Variants in WDR7 observed in about 807,000 individuals in gnomAD.
WDR7 encodes the protein WD repeat domain 7.
WDR7 carries 46 observed loss-of-function variants against 169.4 expected under a neutral mutation model. The ratio of observed to expected loss-of-function variants is 0.27; its 90% confidence interval spans 0.21 to 0.35. The LOEUF is 0.35. Among genes scored for constraint, WDR7 ranks in the 10% least tolerant of loss-of-function variants. The pLI is 1.00. For missense variants in WDR7, 1,534 were observed against 1,859.3 expected (o/e 0.83, Z 3.22); for synonymous variants, 612 against 666.8 (o/e 0.92, Z 1.27).
At chr18:56,654,048 T>C (rs1004020316) in intron 1 of WDR7, among the ~76,000 whole-genome samples, 11 of 152,242 alleles carry the variant, frequency 7.2e-5, no homozygotes, top group African/African-American at 2.7e-4. Context: ...TGCTCCAATT[T>C]TTCCAGACTA....
intron 16 of WDR7, among the ~76,000 whole-genome samples, chr18:56,775,519 G>A (rs931783074): frequency 7.9e-5 from 12 of 152,044 alleles, no homozygotes; most frequent in Middle Eastern, 3.2e-3. Flanking sequence ...AGAATTAAAA[G>A]TAGCTCTATT....
intron 2 of WDR7, 51 bp from the exon 3 acceptor site, chr18:56,679,281 A>C: frequency 6.8e-7 from 1 of 1,473,284 alleles, no homozygotes. Context: ...CTCAAATAGA[A>C]GGTTAATTTT....
chr18:56,941,382 G>A (rs1016114508), intron 25 of WDR7, among the ~76,000 whole-genome samples: 31 of 151,820 alleles, frequency 2.0e-4, no homozygotes, highest in African/African-American at 7.5e-4. Context: ...GGGAGTTGTG[G>A]TGATGGAAAA....
chr18:57,013,731 T>G (rs2048169583), intron 26 of WDR7, among the ~76,000 whole-genome samples: 1 of 152,164 alleles, frequency 6.6e-6, no homozygotes, highest in Non-Finnish European at 1.5e-5. Flanking sequence ...TCATCTGGGT[T>G]TTTGTCAGTG....
At chr18:56,936,103 T>G in intron 23 of WDR7, 198 bp downstream of exon 23, 3 of 499,642 alleles carry the variant, frequency 6.0e-6, no homozygotes, top group Non-Finnish European at 1.0e-5. Flanking sequence ...TCATTACTTC[T>G]GCTTCTGTAT....
chr18:56,746,529 A>G (rs997862918), intron 14 of WDR7, among the ~76,000 whole-genome samples: 1 of 152,006 alleles, frequency 6.6e-6, no homozygotes, highest in South Asian at 2.1e-4. Flanking sequence ...TGCTTGTGCC[A>G]CCCTTCACCT....
intron 16 of WDR7, among the ~76,000 whole-genome samples, chr18:56,771,668 G>A (rs957662574): frequency 2.7e-5 from 4 of 150,658 alleles, no homozygotes; most frequent in African/African-American, 9.8e-5. Context: ...GATCACCTGA[G>A]GTCTGGAGTT....
intron 17 of WDR7, 143 bp downstream of exon 17, chr18:56,777,023 G>GTCA (rs2044252296): frequency 1.3e-6 from 1 of 782,588 alleles, no homozygotes; most frequent in Non-Finnish European, 2.1e-6. Flanking sequence ...ATTTGCTAAT[G>GTCA]TCAATGACAA....
intron 26 of WDR7, among the ~76,000 whole-genome samples, chr18:57,015,801 G>T (rs1469846050): frequency 4.6e-5 from 7 of 152,246 alleles, no homozygotes; most frequent in Non-Finnish European, 1.0e-4. Context: ...GCACTGGGAA[G>T]ATGTGGGTAT....
intron 13 of WDR7, among the ~76,000 whole-genome samples, chr18:56,728,688 T>C (rs989918917): frequency 6.6e-6 from 1 of 152,202 alleles, no homozygotes. Context: ...TTCAACCTTC[T>C]GTGCCAGGTT....
chr18:56,908,773 CCAGT>C (rs771705921), intron 21 of WDR7, among the ~76,000 whole-genome samples: 14 of 152,306 alleles, frequency 9.2e-5, no homozygotes, highest in Non-Finnish European at 1.3e-4. Flanking sequence ...CTGCCACCTA[CCAGT>C]CAGTCAGCAA....
At chr18:56,835,399 T>C (rs2045380574) in intron 20 of WDR7, among the ~76,000 whole-genome samples, 1 of 152,168 alleles carries the variant, frequency 6.6e-6, no homozygotes, top group African/African-American at 2.4e-5. Context: ...TGTAGTATTG[T>C]ACCTAACTTA....
At chr18:56,765,810 CTATCTATT>C (rs1304574108) in intron 16 of WDR7, among the ~76,000 whole-genome samples, 1 of 151,776 alleles carries the variant, frequency 6.6e-6, no homozygotes, top group Non-Finnish European at 1.5e-5. Flanking sequence ...ATGTATCTAT[CTATCTATT>C]TATTTATTTA....
chr18:56,821,991 T>C (rs2045106592), intron 20 of WDR7, among the ~76,000 whole-genome samples: 1 of 152,076 alleles, frequency 6.6e-6, no homozygotes, highest in South Asian at 2.1e-4. Context: ...AGAACAAGAC[T>C]CTGTCTCAAT....
At chr18:56,666,269 T>C (rs952588042) in intron 1 of WDR7, among the ~76,000 whole-genome samples, 5 of 127,504 alleles carry the variant, frequency 3.9e-5, no homozygotes, top group African/African-American at 1.4e-4. Context: ...AACGGCACAA[T>C]CTTGGCTCAC....
chr18:56,699,364 C>A (rs776740864), intron 12 of WDR7, among the ~76,000 whole-genome samples: 3 of 152,122 alleles, frequency 2.0e-5, no homozygotes, highest in Non-Finnish European at 2.9e-5. Flanking sequence ...ATAAATTGAC[C>A]CAGTGTCCTG....
intron 20 of WDR7, among the ~76,000 whole-genome samples, chr18:56,823,501 G>T (rs1036401225): frequency 2.0e-5 from 3 of 152,086 alleles, no homozygotes; most frequent in African/African-American, 7.2e-5. Flanking sequence ...CAGGAGAATC[G>T]CTTGAACCCA....
chr18:57,024,269 A>G (rs1326432839), intron 27 of WDR7, among the ~76,000 whole-genome samples: 1 of 152,178 alleles, frequency 6.6e-6, no homozygotes, highest in Non-Finnish European at 1.5e-5. Flanking sequence ...AAGGCTCAAG[A>G]TGTCCTTACT....
chr18:56,843,001 A>C (rs1011665625), intron 20 of WDR7, among the ~76,000 whole-genome samples: 4 of 152,122 alleles, frequency 2.6e-5, no homozygotes, highest in Non-Finnish European at 5.9e-5. Flanking sequence ...CTGTAAGACT[A>C]TTAATTTTAA....
Sources: allele counts gnomAD v4.1 joint callset (sites outside exome capture counted in the v4.1 genomes callset), GRCh38; gene constraint gnomAD v4.1.1; transcripts MANE v1.5; gene names NCBI Gene and HGNC (gene_info 2026-07-23, HGNC 2026-07-21).